Variants in HPSE2 observed in about 807,000 individuals in gnomAD.
HPSE2 encodes the protein inactive heparanase-2.
In HPSE2, 38 loss-of-function variants were observed where a neutral mutation model predicts 60.5. That is an observed-to-expected ratio of 0.63 (90% CI 0.48 to 0.82). HPSE2 has a LOEUF of 0.82. HPSE2 is among the 40% of genes least tolerant of loss of function. The pLI, the probability that HPSE2 is intolerant of heterozygous loss-of-function variation, is 0.00. For missense variants in HPSE2, 713 were observed against 740.4 expected (o/e 0.96, Z 0.43); for synonymous variants, 295 against 293.2 (o/e 1.01, Z -0.06).
intron 3 of HPSE2, among the ~76,000 whole-genome samples, chr10:98,806,154 A>G (rs1288362292): frequency 2.0e-5 from 3 of 152,244 alleles, no homozygotes; most frequent in African/African-American, 7.2e-5. Flanking sequence ...CGCATACATC[A>G]GGACAACTGT....
At chr10:99,150,763 A>T (rs1173976042) in intron 2 of HPSE2, among the ~76,000 whole-genome samples, 1 of 152,208 alleles carries the variant, frequency 6.6e-6, no homozygotes, top group Non-Finnish European at 1.5e-5. Flanking sequence ...CTTCACACAT[A>T]ACTGGCTAAT....
intron 3 of HPSE2, among the ~76,000 whole-genome samples, chr10:99,059,347 T>A (rs999617424): frequency 1.3e-5 from 2 of 152,232 alleles, no homozygotes; most frequent in African/African-American, 4.8e-5. Context: ...GCTCTCAGGA[T>A]CAGCAGATGT....
chr10:99,095,281 T>C (rs998679190), intron 3 of HPSE2, among the ~76,000 whole-genome samples: 3 of 152,190 alleles, frequency 2.0e-5, no homozygotes, highest in African/African-American at 7.2e-5. Context: ...TCTATTAGTA[T>C]TCAGCATGGT....
At chr10:98,842,429 G>C (rs1951936482) in intron 3 of HPSE2, among the ~76,000 whole-genome samples, 1 of 151,926 alleles carries the variant, frequency 6.6e-6, no homozygotes, top group East Asian at 1.9e-4. Context: ...GGTTTTGGTA[G>C]AGTTTGCCAA....
At chr10:98,659,335 C>T (rs1947162413) in intron 6 of HPSE2, among the ~76,000 whole-genome samples, 1 of 152,132 alleles carries the variant, frequency 6.6e-6, no homozygotes, top group Non-Finnish European at 1.5e-5. Context: ...TTTCCATCCA[C>T]ATTTGGTTGA....
At chr10:99,185,320 A>T (rs189746415) in intron 2 of HPSE2, among the ~76,000 whole-genome samples, 2 of 152,070 alleles carry the variant, frequency 1.3e-5, no homozygotes, top group Admixed American at 6.5e-5. Context: ...AATAAAAAAT[A>T]ACACAAACTT....
At chr10:98,879,045 AT>A (rs1249745665) in intron 3 of HPSE2, among the ~76,000 whole-genome samples, 4 of 152,072 alleles carry the variant, frequency 2.6e-5, no homozygotes, top group Non-Finnish European at 5.9e-5. Context: ...AAGAAGGAGC[AT>A]ATTGGGAGGA....
rs545085575 is a variant in HPSE2 at position 98,709,163 on chromosome 10, A to G, written c.956+12494T>C. On this transcript the variant is annotated intron_variant, in intron 5 of 11. Coordinates refer to ENST00000370552, the MANE Select transcript of HPSE2 (RefSeq NM_021828.5). The stretch of plus-strand genomic sequence containing the variant: ...GCCTGTTTCTCGGAAACTGGCCCAA[A>G]CCACATAAATGAACAACTTCAACAC... Among the ~76,000 whole-genome samples the G allele has an allele frequency of 6.6e-4, 100 of 152,286 alleles. No individual in the cohort carries two copies. In the Middle Eastern group the frequency reaches 0.01, roughly 16 times the overall value.
Position 99,137,149 on chromosome 10 carries a change from T to A in HPSE2, c.610+7089A>T, listed in dbSNP as rs1040182397. Among the ~76,000 whole-genome samples the A allele has an allele frequency of 2.0e-5, 3 of 151,984 alleles. No individual in the cohort carries two copies. In the East Asian group the frequency reaches 5.8e-4, roughly 29 times the overall value. ...ATGAACTCCCATTCACAATTGCTAC[T>A]AAGAGAATAAAATACCTAGGAGTCC... On this transcript the variant is annotated intron_variant, in intron 3 of 11. Transcript: ENST00000370552.
intron 3 of HPSE2, among the ~76,000 whole-genome samples, chr10:98,962,393 A>G (rs551600992): frequency 6.6e-6 from 1 of 151,262 alleles, no homozygotes; most frequent in Non-Finnish European, 1.5e-5. Context: ...TGTTCTTCCA[A>G]TTGTTTGTGT....
At chr10:98,780,619 G>C (rs1950443681) in intron 3 of HPSE2, among the ~76,000 whole-genome samples, 1 of 152,062 alleles carries the variant, frequency 6.6e-6, no homozygotes, top group African/African-American at 2.4e-5. Flanking sequence ...GAATCTAGGA[G>C]ATCACTGCAA....
intron 9 of HPSE2, among the ~76,000 whole-genome samples, chr10:98,518,130 T>C (rs142295952): frequency 3.0e-4 from 46 of 152,298 alleles, no homozygotes; most frequent in African/African-American, 1.1e-3. Context: ...CTTACAGTTT[T>C]TGCCTGGAGT....
At chr10:99,107,902 T>C (rs1266156415) in intron 3 of HPSE2, among the ~76,000 whole-genome samples, 1 of 152,210 alleles carries the variant, frequency 6.6e-6, no homozygotes. Flanking sequence ...AAGAGCATCC[T>C]ATTATCCTTC....
At chr10:99,059,644 T>C (rs568232290) in intron 3 of HPSE2, among the ~76,000 whole-genome samples, 8 of 152,286 alleles carry the variant, frequency 5.3e-5, no homozygotes, top group Non-Finnish European at 1.2e-4. Flanking sequence ...TCTTAATAGA[T>C]TTATTTTCTG....
chr10:98,915,555 C>T lies in HPSE2; in HGVS notation c.611-171499G>A, dbSNP rs1301189148. Among the ~76,000 whole-genome samples the T allele has an allele frequency of 2.0e-5, 3 of 152,140 alleles. No individual in the cohort carries two copies. The East Asian group carries it at 5.8e-4, about 29-fold the overall frequency. ...ATAAATGCTTCTAGAATCTTTAGAA[C>T]ACCATCATCTATTCTGAAAGATAGA... On this transcript the variant is annotated intron_variant, in intron 3 of 11. Transcript: ENST00000370552.
intron 3 of HPSE2, among the ~76,000 whole-genome samples, chr10:98,916,055 A>G (rs75916636): frequency 6.6e-6 from 1 of 152,062 alleles, no homozygotes; most frequent in South Asian, 2.1e-4. Flanking sequence ...TTAAATCTAC[A>G]CTCAGAGCCA....
At chr10:98,831,299 C>A (rs1458247298) in intron 3 of HPSE2, among the ~76,000 whole-genome samples, 1 of 152,116 alleles carries the variant, frequency 6.6e-6, no homozygotes, top group African/African-American at 2.4e-5. Flanking sequence ...GCATTCAGGG[C>A]TGACAGTGTG....
At chr10:99,216,770 T>C (rs529210686) in intron 2 of HPSE2, among the ~76,000 whole-genome samples, 1 of 152,314 alleles carries the variant, frequency 6.6e-6, no homozygotes, top group African/African-American at 2.4e-5. Context: ...AGTAGGTGCT[T>C]AATTGAATGA....
At chr10:99,019,663 A>C (rs113150943) in intron 3 of HPSE2, among the ~76,000 whole-genome samples, 1 of 151,978 alleles carries the variant, frequency 6.6e-6, no homozygotes, top group East Asian at 1.9e-4. Context: ...CCCCCTCTCA[A>C]ATACAACGGC....
Sources: allele counts gnomAD v4.1 joint callset (sites outside exome capture counted in the v4.1 genomes callset), GRCh38; gene constraint gnomAD v4.1.1; transcripts MANE v1.5; gene names NCBI Gene and HGNC (gene_info 2026-07-23, HGNC 2026-07-21).